The following ACCSL variants were observed in gnomAD, a reference collection of about 807,000 sequenced individuals.
ACCSL encodes 1-aminocyclopropane-1-carboxylate synthase homolog (inactive) like.
ACCSL carries 55 observed loss-of-function variants against 61.7 expected under a neutral mutation model. That is an observed-to-expected ratio of 0.89 (90% CI 0.72 to 1.12). The LOEUF (loss-of-function observed/expected upper bound fraction) is 1.12, where lower values mean the gene tolerates loss of function less well. Ranked by LOEUF, ACCSL falls within the 50% of genes most tolerant of loss-of-function variation. The pLI, the probability that ACCSL is intolerant of heterozygous loss-of-function variation, is 0.00. For missense variants in ACCSL, 632 were observed against 698.0 expected (o/e 0.91, Z 1.07); for synonymous variants, 258 against 264.3 (o/e 0.98, Z 0.23).
intron 1 of ACCSL, 31 bp from the exon 2 acceptor site, chr11:44,050,031 T>C: frequency 6.2e-7 from 1 of 1,614,150 alleles, no homozygotes; most frequent in Non-Finnish European, 8.5e-7. Context: ...GCAAGAGGAC[T>C]GACCTGATCT....
the ACCSL span, among the ~76,000 whole-genome samples, chr11:43,951,387 T>C: frequency 6.6e-6 from 1 of 152,124 alleles, no homozygotes; most frequent in African/African-American, 2.4e-5. Flanking sequence ...AATCTATTGT[T>C]TTAGAATAGC....
At chr11:43,948,892 C>G in the ACCSL span, among the ~76,000 whole-genome samples, 1 of 152,214 alleles carries the variant, frequency 6.6e-6, no homozygotes, top group African/African-American at 2.4e-5. Context: ...GGCTGAACCC[C>G]CCTAGGGGCT....
chr11:43,998,100 A>C, the ACCSL span, among the ~76,000 whole-genome samples: 1 of 152,210 alleles, frequency 6.6e-6, no homozygotes, highest in Middle Eastern at 3.2e-3. Context: ...TTTCGGTCTC[A>C]AATTCCCATT....
At chr11:43,986,235 C>A in the ACCSL span, among the ~76,000 whole-genome samples, 1 of 152,020 alleles carries the variant, frequency 6.6e-6, no homozygotes, top group African/African-American at 2.4e-5. Context: ...CAGGTGACAT[C>A]ATCTCTCATC....
At chr11:44,044,566 C>T (rs751665599), upstream of ACCSL, among the ~76,000 whole-genome samples, 1 of 152,012 alleles carries the variant, frequency 6.6e-6, no homozygotes, top group Non-Finnish European at 1.5e-5. Flanking sequence ...ATCATACTTG[C>T]CATACCCAGA....
chr11:44,025,588 A>C, the ACCSL span, among the ~76,000 whole-genome samples: 2 of 151,380 alleles, frequency 1.3e-5, no homozygotes, highest in African/African-American at 4.9e-5. Flanking sequence ...AATAAGAGTT[A>C]TAAACAAAAA....
the ACCSL span, chr11:43,943,362 G>T: frequency 3.6e-6 from 5 of 1,388,826 alleles, no homozygotes; most frequent in East Asian, 1.2e-4. This position sits in a 1 kb window ranked among gnomAD's most constrained non-coding sequence, Gnocchi z 4.8. Flanking sequence ...CCCTGCTCCC[G>T]GGGGACCCGC....
At chr11:43,990,539 T>C in the ACCSL span, among the ~76,000 whole-genome samples, 3 of 152,188 alleles carry the variant, frequency 2.0e-5, no homozygotes, top group African/African-American at 7.2e-5. Flanking sequence ...CTCCTCTTAA[T>C]ACTATCACAT....
chr11:44,058,099 G>T (rs1159478083), intron 11 of ACCSL, among the ~76,000 whole-genome samples: 2 of 152,244 alleles, frequency 1.3e-5, no homozygotes, highest in African/African-American at 4.8e-5. Flanking sequence ...CTTGAGCCAA[G>T]GAGGTGGAGA....
the ACCSL span, among the ~76,000 whole-genome samples, chr11:43,921,576 T>C: frequency 6.6e-6 from 1 of 152,202 alleles, no homozygotes; most frequent in Non-Finnish European, 1.5e-5. Context: ...GGTGATCAGT[T>C]TGATGCATGA....
the ACCSL span, among the ~76,000 whole-genome samples, chr11:43,970,348 G>A: frequency 1.3e-4 from 20 of 152,270 alleles, 1 homozygote; most frequent in East Asian, 3.9e-3. Context: ...TGGGACTACA[G>A]GTGCATGCCA....
chr11:43,982,048 C>A, the ACCSL span, among the ~76,000 whole-genome samples: 1 of 152,180 alleles, frequency 6.6e-6, no homozygotes, highest in Non-Finnish European at 1.5e-5. Context: ...CTCCCTGGAG[C>A]AGAGGGGGAG....
At chr11:44,027,219 C>T in the ACCSL span, among the ~76,000 whole-genome samples, 1 of 152,226 alleles carries the variant, frequency 6.6e-6, no homozygotes, top group Non-Finnish European at 1.5e-5. Flanking sequence ...CAGTCTACAA[C>T]TCTGCCTTAG....
chr11:44,023,801 C>G, the ACCSL span, among the ~76,000 whole-genome samples: 1 of 152,112 alleles, frequency 6.6e-6, no homozygotes, highest in African/African-American at 2.4e-5. Context: ...AAATTTTCCT[C>G]TAAGTACTAA....
At chr11:43,972,916 G>A in the ACCSL span, among the ~76,000 whole-genome samples, 1 of 152,208 alleles carries the variant, frequency 6.6e-6, no homozygotes, top group African/African-American at 2.4e-5. Flanking sequence ...GCCGAGGCAG[G>A]AGGATCACTG....
chr11:44,013,422 G>T, the ACCSL span, among the ~76,000 whole-genome samples: 7 of 152,208 alleles, frequency 4.6e-5, no homozygotes, highest in Non-Finnish European at 1.5e-5. Flanking sequence ...CTGGATTACA[G>T]GTGCCCACCA....
At chr11:44,022,868 T>TC in the ACCSL span, among the ~76,000 whole-genome samples, 2 of 146,338 alleles carry the variant, frequency 1.4e-5, no homozygotes, top group African/African-American at 5.0e-5. Context: ...TGAAAAGTGT[T>TC]CCCTCCTTTT....
chr11:43,968,094 G>A, the ACCSL span, among the ~76,000 whole-genome samples: 2 of 152,054 alleles, frequency 1.3e-5, no homozygotes, highest in Admixed American at 6.6e-5. Flanking sequence ...TTGGGGTGGG[G>A]GTTGATGCTA....
rs562252770 is a variant in ACCSL, at chr11:44,051,485, C to T, written c.705+81C>T. On this transcript the variant is annotated intron_variant, in intron 4 of 13. Coordinates refer to ENST00000378832, the MANE Select transcript of ACCSL (RefSeq NM_001031854.2). Reference sequence around the variant, plus strand: ...GATGCTCTGCCCTTTCTAGGGGGTACAAGGAGAACCAGTGAAGACTCTCAG... The same window carrying T: ...GATGCTCTGCCCTTTCTAGGGGGTATAAGGAGAACCAGTGAAGACTCTCAG... The T allele has an allele frequency of 8.3e-5, 131 of 1,572,458 alleles. 1 individual carries two copies. The African/African-American group carries it at 1.7e-3, about 20-fold the overall frequency.
Sources: allele counts gnomAD v4.1 joint callset (sites outside exome capture counted in the v4.1 genomes callset), GRCh38; gene constraint gnomAD v4.1.1; non-coding constraint Gnocchi (gnomAD v3.1); transcripts MANE v1.5; gene names NCBI Gene and HGNC (gene_info 2026-07-23, HGNC 2026-07-21).